The following RAB35 variants were observed in gnomAD, a reference collection of about 807,000 sequenced individuals.
RAB35 encodes the protein ras-related protein Rab-35.
RAB35 carries 4 observed loss-of-function variants against 28.9 expected under a neutral mutation model. The ratio of observed to expected loss-of-function variants is 0.14; its 90% CI spans 0.07 to 0.32. RAB35 has a LOEUF of 0.32. RAB35 is among the 10% of genes least tolerant of loss of function. RAB35 has a pLI of 1.00. For synonymous variants in RAB35, 99 were observed against 105.1 expected (o/e 0.94, Z 0.35); for missense variants, 128 against 274.0 (o/e 0.47, Z 3.76).
intron 1 of RAB35, among the ~76,000 whole-genome samples, chr12:120,115,534 C>CTCT (rs1487227283): frequency 1.3e-5 from 2 of 152,214 alleles, no homozygotes; most frequent in Non-Finnish European, 2.9e-5. Context: ...CCTTCCTGAC[C>CTCT]TCTTGGTCAC....
At chr12:120,111,050 C>A (rs996390261) in intron 1 of RAB35, among the ~76,000 whole-genome samples, 1 of 152,230 alleles carries the variant, frequency 6.6e-6, no homozygotes, top group African/African-American at 2.4e-5. Flanking sequence ...TCCTCTAGGA[C>A]AGAGCCCTCG....
rs1566282687 is a variant in RAB35, at chr12:120,100,327, G to GAAA, written c.228-1174_228-1173insTTT. ...CTCCATCTCTGAAAGGCTGGCCCTT[G>GAAA]GGAAGGTGCCTGCATTCACCCTGCC... On this transcript the variant is annotated intron_variant, in intron 3 of 5. Transcript: ENST00000229340. Among the ~76,000 whole-genome samples the GAAA allele has an allele frequency of 8.2e-4, 125 of 152,364 alleles. 1 individual carries two copies. The East Asian group carries it at 0.022, about 26-fold the overall frequency.
chr12:120,105,787 G>T (rs1875845455), intron 2 of RAB35, among the ~76,000 whole-genome samples: 1 of 152,084 alleles, frequency 6.6e-6, no homozygotes, highest in South Asian at 2.1e-4. Context: ...GCCAGGCGTG[G>T]TGGCGGGCAC....
intron 1 of RAB35, among the ~76,000 whole-genome samples, chr12:120,115,904 A>T (rs1360310820): frequency 1.3e-5 from 2 of 152,192 alleles, no homozygotes; most frequent in East Asian, 3.8e-4. Flanking sequence ...CAACCCCATA[A>T]GGCAGATCCA....
At position 120,104,085 on chromosome 12, in the gene RAB35, G is replaced by A. The variant is rs1875770133; in HGVS notation, c.104-136C>T. On this transcript the variant is annotated intron_variant, in intron 2 of 5. Transcript: ENST00000229340. ...TGTGCCTGGTACATTCTAGGTCCCA[G>A]GGACACAGCCCTGAACATCCTTGTT... 3.3e-6 allele frequency: 4 copies of A among 1,219,700 alleles called. No individual in the cohort carries two copies. In the South Asian group the frequency reaches 6.1e-5, roughly 19 times the overall value. The allele number at this position is 1,219,700 out of a possible 1,614,324, so 75.6% of individuals were successfully genotyped here.
rs1002653668 is a variant in RAB35, at chr12:120,096,013, G to A, written c.*1232C>T. 5 of 182,458 alleles carry A rather than the reference G, an allele frequency of 2.7e-5. No homozygotes were observed. Among genetic ancestry groups the A allele is most frequent in the African/African-American group, 1.2e-4 (5 of 41,752 alleles). 11.3% of individuals were successfully genotyped at this position (182,458 alleles called of 1,614,324 possible). A position where few individuals can be genotyped will look rare whatever the true frequency, so the allele number is the denominator to read the frequency against. On this transcript the variant is annotated 3_prime_UTR_variant, in exon 6 of 6. Transcript: ENST00000229340. ...CCTGGTTGTTCTCCAGGGCACTGGG[G>A]CGTGTCAAAACTGGCCGCCCCAGCC...
At chr12:120,098,971 G>A in intron 4 of RAB35, 36 bp from the exon 5 acceptor site, 1 of 1,614,006 alleles carries the variant, frequency 6.2e-7, no homozygotes, top group South Asian at 1.1e-5. Flanking sequence ...AGCCCTGAGG[G>A]GCGCAGCCGG....
chr12:120,108,833 T>G, intron 1 of RAB35: 5 of 399,892 alleles, frequency 1.3e-5, no homozygotes, highest in South Asian at 9.7e-5. Flanking sequence ...GTCTACAACA[T>G]GGTCCCTAGA....
intron 1 of RAB35, among the ~76,000 whole-genome samples, chr12:120,110,970 C>G (rs1876094334): frequency 6.6e-6 from 1 of 151,490 alleles, no homozygotes; most frequent in African/African-American, 2.4e-5. Flanking sequence ...ACTGGCCTCG[C>G]CGCCTCCTCT....
In RAB35 at chr12:120,096,340, C is replaced by CCAAT. The variant is rs1211027459; in HGVS notation, c.*901_*904dup. On this transcript the variant is annotated 3_prime_UTR_variant, in exon 6 of 6. Transcript: ENST00000229340. ...GGTGGCCTCAACTTTTGCTGCTGTG[C>CCAAT]CAATCAAACCTCAGGGAAAGAAAAT... The CCAAT allele has an allele frequency of 1.8e-6, 2 of 1,098,702 alleles. No individual in the cohort carries two copies. The highest frequency in any genetic ancestry group is 3.3e-5 in the African/African-American group (2 of 60,872). 68.1% of individuals were successfully genotyped at this position (1,098,702 alleles called of 1,614,324 possible).
At chr12:120,097,848 G>A (rs1356717539) in intron 5 of RAB35, among the ~76,000 whole-genome samples, 1 of 150,994 alleles carries the variant, frequency 6.6e-6, no homozygotes, top group African/African-American at 2.4e-5. Context: ...CCTTCTTTTA[G>A]AGAGACCAAC....
In RAB35 at chr12:120,116,670, CGCGG is replaced by C. The variant is rs1352879987; in HGVS notation, c.-24_-21del. 8.2e-7 allele frequency: 1 copy of C among 1,223,138 alleles called. No homozygotes were observed. The highest frequency in any genetic ancestry group is 1.0e-6 in the Non-Finnish European group (1 of 982,300). The allele number at this position is 1,223,138 out of a possible 1,614,324, so 75.8% of individuals were successfully genotyped here. ...GGCCATGGCGGGCGGGGGCGGTGCGCGCGGGCGGGCGGGGTCGGTACTGGCCTCG... is the reference window on the plus strand; with the variant it reads ...GGCCATGGCGGGCGGGGGCGGTGCGCGCGGGCGGGGTCGGTACTGGCCTCG... On this transcript the variant is annotated 5_prime_UTR_variant, in exon 1 of 6. Transcript: ENST00000229340.
chr12:120,097,041 G>T lies in RAB35; in HGVS notation c.*204C>A. On this transcript the variant is annotated 3_prime_UTR_variant, in exon 6 of 6. Transcript: ENST00000229340. ...CTTGGCCGGGGAGGAGGGGGCACCA[G>T]TAGGGAAGGGCGGGCTGGTCCAACA... 1.3e-6 allele frequency: 2 copies of T among 1,523,626 alleles called. No individual in the cohort carries two copies. The highest frequency in any genetic ancestry group is 1.8e-6 in the Non-Finnish European group (2 of 1,139,038). The allele number at this position is 1,523,626 out of a possible 1,614,324, so 94.4% of individuals were successfully genotyped here.
intron 3 of RAB35, among the ~76,000 whole-genome samples, chr12:120,102,451 AG>A (rs1875696598): frequency 1.3e-5 from 2 of 152,290 alleles, no homozygotes; most frequent in South Asian, 2.1e-4. Flanking sequence ...CCTCGCTCAC[AG>A]GGCTCATCAA....
intron 2 of RAB35, among the ~76,000 whole-genome samples, chr12:120,107,367 T>C (rs1381193087): frequency 6.6e-6 from 1 of 152,184 alleles, no homozygotes; most frequent in Non-Finnish European, 1.5e-5. Context: ...AAGTTAGCCC[T>C]TTTTGCCTAT....
At chr12:120,101,863 C>G (rs984128038) in intron 3 of RAB35, among the ~76,000 whole-genome samples, 1 of 152,244 alleles carries the variant, frequency 6.6e-6, no homozygotes, top group African/African-American at 2.4e-5. Context: ...ATGGAGGAAC[C>G]AGTTCACCTT....
At position 120,100,325 on chromosome 12, in the gene RAB35, T is replaced by TC. The variant is rs1411711180; in HGVS notation, c.228-1172_228-1171insG. 8.2e-4 allele frequency among the ~76,000 whole-genome samples: 125 copies of TC among 152,334 alleles called. 1 individual carries two copies. The East Asian group carries it at 0.022, about 26-fold the overall frequency. Reference sequence around the variant, plus strand: ...GGCTCCATCTCTGAAAGGCTGGCCCTTGGGAAGGTGCCTGCATTCACCCTG... The same window carrying TC: ...GGCTCCATCTCTGAAAGGCTGGCCCTCTGGGAAGGTGCCTGCATTCACCCTG... On this transcript the variant is annotated intron_variant, in intron 3 of 5. Coordinates refer to ENST00000229340, the MANE Select transcript of RAB35 (RefSeq NM_006861.7).
At chr12:120,116,021 T>C (rs1258811374) in intron 1 of RAB35, among the ~76,000 whole-genome samples, 1 of 152,228 alleles carries the variant, frequency 6.6e-6, no homozygotes, top group African/African-American at 2.4e-5. Flanking sequence ...ACTTACCTCA[T>C]TTAAACCTCA....
In RAB35 at chr12:120,100,063, G is replaced by T. The variant is rs562265535; in HGVS notation, c.228-909C>A. On this transcript the variant is annotated intron_variant, in intron 3 of 5. Coordinates refer to ENST00000229340, the MANE Select transcript of RAB35 (RefSeq NM_006861.7). ...CAGACAAACCATGAGTGGACAGGCC[G>T]CTTCCTCCCGGCTTTCTGGCTGCCA... 3.9e-5 allele frequency among the ~76,000 whole-genome samples: 6 copies of T among 152,328 alleles called. No homozygotes were observed. The South Asian group carries it at 1.2e-3, about 32-fold the overall frequency.
Sources: gnomAD v4.1 joint callset for allele counts (sites outside exome capture counted in the v4.1 genomes callset) on GRCh38, gnomAD v4.1.1 for gene constraint, MANE v1.5 for transcripts, NCBI Gene and HGNC (gene_info 2026-07-23, HGNC 2026-07-21) for gene names.